Variants in WNT5B observed in about 807,000 individuals in gnomAD.
WNT5B encodes protein Wnt-5b.
A neutral mutation model predicts 36.5 loss-of-function variants in WNT5B; 18 were observed. The observed-to-expected ratio is 0.49, with a 90% CI of 0.34 to 0.73. The LOEUF is 0.73. Among genes scored for constraint, WNT5B ranks in the 30% least tolerant of loss-of-function variants. The pLI, the probability that WNT5B is intolerant of heterozygous loss-of-function variation, is 0.01. For synonymous variants in WNT5B, 213 were observed against 212.3 expected (o/e 1.00, Z -0.03); for missense variants, 424 against 508.4 (o/e 0.83, Z 1.60).
At chr12:1,624,427 C>A (rs988083786), upstream of WNT5B, among the ~76,000 whole-genome samples, 1 of 149,196 alleles carries the variant, frequency 6.7e-6, no homozygotes, top group Non-Finnish European at 1.5e-5. Flanking sequence ...GTGTTATGCT[C>A]TAGTGACAGG....
At chr12:1,626,635 A>G (rs1314643673), upstream of WNT5B, among the ~76,000 whole-genome samples, 2 of 145,282 alleles carry the variant, frequency 1.4e-5, no homozygotes, top group East Asian at 2.1e-4. Flanking sequence ...CACGATCTTG[A>G]CCCACTGCAC....
At chr12:1,622,841 G>A (rs1046658674) in intron 1 of WNT5B, among the ~76,000 whole-genome samples, 3 of 152,162 alleles carry the variant, frequency 2.0e-5, no homozygotes, top group African/African-American at 7.2e-5. Flanking sequence ...TAAATGCTGT[G>A]GCTAAAACAT....
At chr12:1,624,377 C>CAAA (rs34209948), upstream of WNT5B, among the ~76,000 whole-genome samples, 71 of 78,164 alleles carry the variant, frequency 9.1e-4, no homozygotes, top group Non-Finnish European at 1.1e-3. Context: ...GACTCTGTCT[C>CAAA]AAAAAAAAAA....
chr12:1,628,994 A>G (rs559759024), upstream of WNT5B, among the ~76,000 whole-genome samples: 27 of 151,904 alleles, frequency 1.8e-4, no homozygotes, highest in Admixed American at 9.8e-4. Flanking sequence ...ACACATCTGG[A>G]AGTCAGAGAA....
At chr12:1,636,404 A>G (rs2094560813) in intron 3 of WNT5B, among the ~76,000 whole-genome samples, 1 of 149,368 alleles carries the variant, frequency 6.7e-6, no homozygotes, top group Admixed American at 6.7e-5. Flanking sequence ...TATCCTGGGC[A>G]TTTCTTATAA....
In WNT5B at chr12:1,639,726, G is replaced by A; in HGVS notation, c.371G>A (p.Gly124Asp). ...TAFTHAVSAA[G>D]VVNAISRACR... ...TTCACCCACGCGGTGAGCGCCGCGG[G>A]CGTGGTCAACGCCATCAGCCGGGCC... Residue 124 changes from glycine (G) to aspartate (D), a missense_variant, in exon 4 of 5, where the codon GGC becomes GAC. By Grantham distance (94) the Gly-to-Asp change is moderately conservative. Transcript: ENST00000397196. 1 of 1,596,492 alleles carries A rather than the reference G, an allele frequency of 6.3e-7. No individual in the cohort carries two copies. Among genetic ancestry groups the A allele is most frequent in the Non-Finnish European group, 8.5e-7 (1 of 1,172,836 alleles).
upstream of WNT5B, among the ~76,000 whole-genome samples, chr12:1,626,604 G>A (rs1301044643): frequency 7.0e-6 from 1 of 143,594 alleles, no homozygotes; most frequent in Non-Finnish European, 1.5e-5. Context: ...TCACTCTATC[G>A]CCCAGGCTGG....
chr12:1,635,605 G>A (rs187722874), intron 3 of WNT5B, among the ~76,000 whole-genome samples: 4 of 152,310 alleles, frequency 2.6e-5, no homozygotes, highest in South Asian at 2.1e-4. Flanking sequence ...GAAAGCTTCC[G>A]GTGGCTATGG....
chr12:1,626,588 G>T (rs1312892178), upstream of WNT5B, among the ~76,000 whole-genome samples: 3 of 140,174 alleles, frequency 2.1e-5, no homozygotes, highest in Non-Finnish European at 4.6e-5. Flanking sequence ...TTTTTCAGAC[G>T]GAGTCTCACT....
upstream of WNT5B, among the ~76,000 whole-genome samples, chr12:1,626,530 T>C (rs948997422): frequency 6.6e-6 from 1 of 151,514 alleles, no homozygotes; most frequent in Non-Finnish European, 1.5e-5. Flanking sequence ...CGCAAAGTGC[T>C]GGGATTACAG....
rs7966046 is a variant in WNT5B at position 1,630,480 on chromosome 12, G to C, written c.-57-818G>C. Among the ~76,000 whole-genome samples the C allele has an allele frequency of 0.25, 37,483 of 152,122 alleles. 4,992 individuals are homozygous for C. Among genetic ancestry groups the C allele is most frequent in the African/African-American group, 0.35 (14,641 of 41,492 alleles). ...CAGCAGGGAAGGGCTGTGGCATCTG[G>C]AAGATGCGTCCTCAGCTCAGGCATT... On this transcript the variant is annotated intron_variant, in intron 1 of 4. Coordinates refer to ENST00000397196, the MANE Select transcript of WNT5B (RefSeq NM_032642.3). The surrounding 1 kb of genome is among the most constrained non-coding windows in gnomAD (Gnocchi z 5.3).
chr12:1,640,071 G>C, intron 4 of WNT5B, 95 bp downstream of exon 4: 1 of 1,411,678 alleles, frequency 7.1e-7, no homozygotes, highest in Non-Finnish European at 9.5e-7. Context: ...CAAGGAAACG[G>C]GTTAGTCTGA....
chr12:1,628,942 CGCGT>C (rs2094545059), upstream of WNT5B, among the ~76,000 whole-genome samples: 1 of 151,606 alleles, frequency 6.6e-6, no homozygotes, highest in South Asian at 2.1e-4. Context: ...TGTGCACGCG[CGCGT>C]GCATATGTGT....
rs2094581683 is a variant in WNT5B at position 1,644,517 on chromosome 12, C to T, written c.622-1277C>T. Reference sequence around the variant, plus strand: ...CAACAGTCATATGCACTGATGATGGCTGTGCTGTCTCTTGCACCTGCAGTG... The same window carrying T: ...CAACAGTCATATGCACTGATGATGGTTGTGCTGTCTCTTGCACCTGCAGTG... On this transcript the variant is annotated intron_variant, in intron 4 of 4. Coordinates refer to ENST00000397196, the MANE Select transcript of WNT5B (RefSeq NM_032642.3). The surrounding 1 kb of genome is among the most constrained non-coding windows in gnomAD (Gnocchi z 5.1). 6.6e-6 allele frequency among the ~76,000 whole-genome samples: 1 copy of T among 152,196 alleles called. No individual in the cohort carries two copies. The highest frequency in any genetic ancestry group is 2.1e-4 in the South Asian group (1 of 4,828).
chr12:1,628,198 C>CT (rs2094543890), upstream of WNT5B, among the ~76,000 whole-genome samples: 2 of 151,998 alleles, frequency 1.3e-5, no homozygotes, highest in Admixed American at 1.3e-4. Context: ...GCTCTGTCAC[C>CT]CGGCTGGAGT....
At chr12:1,637,132 G>A (rs1311435396) in intron 3 of WNT5B, among the ~76,000 whole-genome samples, 1 of 152,156 alleles carries the variant, frequency 6.6e-6, no homozygotes, top group East Asian at 1.9e-4. Context: ...TTACAGGTGT[G>A]AGTCACCACG....
chr12:1,617,604 C>G (rs1001081996), intron 1 of WNT5B, among the ~76,000 whole-genome samples: 2 of 151,732 alleles, frequency 1.3e-5, no homozygotes, highest in Non-Finnish European at 2.9e-5. Context: ...GCAGTCCAGC[C>G]TGAGCAACAC....
At chr12:1,619,957 C>T (rs998511245) in intron 1 of WNT5B, among the ~76,000 whole-genome samples, 3 of 151,972 alleles carry the variant, frequency 2.0e-5, no homozygotes, top group African/African-American at 7.3e-5. Context: ...GGTCACATGC[C>T]CCATGAGACC....
intron 4 of WNT5B, among the ~76,000 whole-genome samples, chr12:1,642,290 G>T (rs1313501102): frequency 6.6e-6 from 1 of 152,188 alleles, no homozygotes; most frequent in Non-Finnish European, 1.5e-5. Flanking sequence ...GTTAAGATCC[G>T]CACTTTATCT....
Sources: allele counts gnomAD v4.1 joint callset (sites outside exome capture counted in the v4.1 genomes callset), GRCh38; gene constraint gnomAD v4.1.1; non-coding constraint Gnocchi (gnomAD v3.1); transcripts MANE v1.5; gene names NCBI Gene and HGNC (gene_info 2026-07-23, HGNC 2026-07-21).